Variants in TTPAL observed in about 807,000 individuals in gnomAD.
The protein encoded by TTPAL is alpha-tocopherol transfer protein-like.
TTPAL carries 21 observed loss-of-function variants against 28.7 expected under a neutral mutation model. The ratio of observed to expected loss-of-function variants is 0.73; its 90% confidence interval spans 0.52 to 1.06. The LOEUF is 1.06. TTPAL is among the 50% of genes least tolerant of loss of function. TTPAL has a pLI of 0.00. For missense variants in TTPAL, 345 were observed against 425.5 expected, an observed-to-expected ratio of 0.81 and a Z score of 1.67; for synonymous variants, 169 against 171.9, an observed-to-expected ratio of 0.98 and a Z score of 0.13.
intron 4 of TTPAL, among the ~76,000 whole-genome samples, 194 bp from the exon 5 acceptor site, chr20:44,489,069 C>A (rs1361593992): frequency 6.6e-6 from 1 of 152,124 alleles, no homozygotes; most frequent in East Asian, 1.9e-4. Flanking sequence ...CTCCAGCCAA[C>A]AGGATGTATG....
At chr20:44,482,845 C>T (rs1319877645) in intron 2 of TTPAL, among the ~76,000 whole-genome samples, 5 of 151,964 alleles carry the variant, frequency 3.3e-5, no homozygotes, top group African/African-American at 7.3e-5. Flanking sequence ...CCGTCAAGGT[C>T]GTGTATGAGT....
In TTPAL at chr20:44,489,542, C is replaced by G; in HGVS notation, c.*1C>G. On this transcript the variant is annotated 3_prime_UTR_variant, in exon 5 of 5. Coordinates refer to ENST00000262605, the MANE Select transcript of TTPAL (RefSeq NM_001039199.3). ...GTCACAGCTGTACTCCTGCTACTAGCCCGTCCCCCAGGGTCACCATCTTTA... is the reference window on the plus strand; with the variant it reads ...GTCACAGCTGTACTCCTGCTACTAGGCCGTCCCCCAGGGTCACCATCTTTA... The G allele has an allele frequency of 1.9e-6, 3 of 1,611,414 alleles. No individual in the cohort carries two copies. Among genetic ancestry groups the G allele is most frequent in the Non-Finnish European group, 2.5e-6 (3 of 1,177,962 alleles).
chr20:44,486,494 G>A, intron 3 of TTPAL, 102 bp from the exon 4 acceptor site: 1 of 746,988 alleles, frequency 1.3e-6, no homozygotes, highest in Non-Finnish European at 2.4e-6. Flanking sequence ...ATAAGGATCA[G>A]ATCAGACTGA....
At position 44,493,966 on chromosome 20, in the gene TTPAL, A is replaced by C. The variant is rs2064230952; in HGVS notation, c.*4425A>C. On this transcript the variant is annotated 3_prime_UTR_variant, in exon 5 of 5. Transcript: ENST00000262605. ...GGCAGGAGAATCGCTTGAACCTGGG[A>C]GGCAGCGGTTGCAGTAAGCCAAGAC... 6.6e-6 allele frequency: 1 copy of C among 152,316 alleles called. No individual in the cohort carries two copies. The highest frequency in any genetic ancestry group is 2.4e-5 in the African/African-American group (1 of 41,398). 9.4% of individuals were successfully genotyped at this position (152,316 alleles called of 1,614,324 possible).
intron 4 of TTPAL, 109 bp downstream of exon 4, chr20:44,486,815 G>A (rs938579291): frequency 7.8e-6 from 5 of 638,496 alleles, no homozygotes; most frequent in East Asian, 2.8e-5. Context: ...ATTTGGAAAA[G>A]TACAGAGTTA....
In TTPAL at chr20:44,490,355, AC is replaced by A. The variant is rs2064193481; in HGVS notation, c.*815del. 1 of 152,452 alleles carries A rather than the reference AC, an allele frequency of 6.6e-6. No homozygotes were observed. The allele number at this position is 152,452 out of a possible 1,614,324, so 9.4% of individuals were successfully genotyped here. A position where few individuals can be genotyped will look rare whatever the true frequency, so the allele number is the denominator to read the frequency against. ...TTCTGGCCTGGATCCCAGGTGTACAACTATGGACAAGATATGGGCCTCTACT... is the reference window on the plus strand; with the variant it reads ...TTCTGGCCTGGATCCCAGGTGTACAATATGGACAAGATATGGGCCTCTACT... On this transcript the variant is annotated 3_prime_UTR_variant, in exon 5 of 5. Coordinates refer to ENST00000262605, the MANE Select transcript of TTPAL (RefSeq NM_001039199.3).
intron 2 of TTPAL, among the ~76,000 whole-genome samples, chr20:44,483,386 A>C (rs1178194904): frequency 6.6e-6 from 1 of 152,012 alleles, no homozygotes; most frequent in Non-Finnish European, 1.5e-5. Flanking sequence ...CCTCAAAACT[A>C]CAAGAGGGAA....
intron 1 of TTPAL, among the ~76,000 whole-genome samples, chr20:44,477,676 A>G (rs974606680): frequency 1.4e-5 from 2 of 146,972 alleles, no homozygotes; most frequent in African/African-American, 5.2e-5. Context: ...TTTATCTGAG[A>G]TAGCGTCTCG....
Position 44,492,359 on chromosome 20 carries a change from G to A in TTPAL, c.*2818G>A, listed in dbSNP as rs897397883. On this transcript the variant is annotated 3_prime_UTR_variant, in exon 5 of 5. Coordinates refer to ENST00000262605, the MANE Select transcript of TTPAL (RefSeq NM_001039199.3). ...TTCTGGCCCATTGCACAAACACTTG[G>A]AAATTAACTTTTCCCTAAATTCAAG... The A allele has an allele frequency of 6.6e-6, 1 of 152,332 alleles. No individual in the cohort carries two copies. The highest frequency in any genetic ancestry group is 2.4e-5 in the African/African-American group (1 of 41,442). The allele number at this position is 152,332 out of a possible 1,614,324, so 9.4% of individuals were successfully genotyped here.
chr20:44,494,296 G>C lies in TTPAL; in HGVS notation c.*4755G>C, dbSNP rs995969988. The C allele has an allele frequency of 1.3e-5, 2 of 152,690 alleles. No homozygotes were observed. The highest frequency in any genetic ancestry group is 2.9e-5 in the Non-Finnish European group (2 of 68,044). 9.5% of individuals were successfully genotyped at this position (152,690 alleles called of 1,614,324 possible). On this transcript the variant is annotated 3_prime_UTR_variant, in exon 5 of 5. Coordinates refer to ENST00000262605, the MANE Select transcript of TTPAL (RefSeq NM_001039199.3). Reference sequence around the variant, plus strand: ...TATGCCTCGGCTTCTTGGCATATCAGGTAGGAACCTGTTACAAGTGAAATA... The same window carrying C: ...TATGCCTCGGCTTCTTGGCATATCACGTAGGAACCTGTTACAAGTGAAATA...
chr20:44,477,735 A>G (rs1473338841), intron 1 of TTPAL, among the ~76,000 whole-genome samples: 2 of 151,532 alleles, frequency 1.3e-5, no homozygotes, highest in Non-Finnish European at 2.9e-5. Context: ...GCTCACTGCA[A>G]CCTCCGCTTC....
At position 44,492,495 on chromosome 20, in the gene TTPAL, T is replaced by C. The variant is rs906960883; in HGVS notation, c.*2954T>C. The C allele has an allele frequency of 1.4e-4, 22 of 152,404 alleles. No individual in the cohort carries two copies. The highest frequency in any genetic ancestry group is 5.1e-4 in the African/African-American group (21 of 41,550). The allele number at this position is 152,404 out of a possible 1,614,324, so 9.4% of individuals were successfully genotyped here. ...GGCTTAACATCCCTGAGTGATTCCA[T>C]GATAGAGATCTATACTCCAAACTTT... On this transcript the variant is annotated 3_prime_UTR_variant, in exon 5 of 5. Coordinates refer to ENST00000262605, the MANE Select transcript of TTPAL (RefSeq NM_001039199.3).
chr20:44,482,759 A>G (rs1406040621), intron 2 of TTPAL, among the ~76,000 whole-genome samples: 2 of 151,898 alleles, frequency 1.3e-5, no homozygotes, highest in Non-Finnish European at 2.9e-5. Flanking sequence ...CATTAAATAC[A>G]TGGGGTGTAT....
At position 44,484,184 on chromosome 20, in the gene TTPAL, T is replaced by G. The variant is rs368280295; in HGVS notation, c.446-153T>G. On this transcript the variant is annotated intron_variant, in intron 2 of 4. Coordinates refer to ENST00000262605, the MANE Select transcript of TTPAL (RefSeq NM_001039199.3). The stretch of plus-strand genomic sequence containing the variant: ...AGTTAAGAAACCAGCTGCTGCTTAT[T>G]GTTCCATTTACTAACCTAAATAAGA... Among the ~76,000 whole-genome samples the G allele has an allele frequency of 2.6e-5, 4 of 152,388 alleles. No homozygotes were observed. The East Asian group carries it at 7.7e-4, about 29-fold the overall frequency.
At position 44,492,430 on chromosome 20, in the gene TTPAL, G is replaced by A. The variant is rs986795359; in HGVS notation, c.*2889G>A. On this transcript the variant is annotated 3_prime_UTR_variant, in exon 5 of 5. Coordinates refer to ENST00000262605, the MANE Select transcript of TTPAL (RefSeq NM_001039199.3). ...AATGGGACAGTAAATTAGGAGACGC[G>A]GGCTCCACCTTTACCTTACTACGTG... The A allele has an allele frequency of 1.3e-5, 2 of 152,208 alleles. No individual in the cohort carries two copies. Among genetic ancestry groups the A allele is most frequent in the Non-Finnish European group, 2.9e-5 (2 of 68,042 alleles). The allele number at this position is 152,208 out of a possible 1,614,324, so 9.4% of individuals were successfully genotyped here. A position where few individuals can be genotyped will look rare whatever the true frequency, so the allele number is the denominator to read the frequency against.
rs73611707 is a variant in TTPAL, at chr20:44,489,829, G to T, written c.*288G>T. 3,442 of 360,536 alleles carry T rather than the reference G, an allele frequency of 9.5e-3. 45 individuals carry two copies. The highest frequency in any genetic ancestry group is 0.048 in the East Asian group (891 of 18,638). The allele number at this position is 360,536 out of a possible 1,614,324, so 22.3% of individuals were successfully genotyped here. On this transcript the variant is annotated 3_prime_UTR_variant, in exon 5 of 5. Transcript: ENST00000262605. ...TCTATTTTGTTTTGCTTTTTGGTTG[G>T]GGGGTGGTGATCTGGTTCTTACACA...
intron 4 of TTPAL, among the ~76,000 whole-genome samples, chr20:44,488,116 A>G (rs2064169421): frequency 1.3e-5 from 2 of 152,170 alleles, no homozygotes; most frequent in East Asian, 3.8e-4. Flanking sequence ...TCAAGGAGGT[A>G]AGGGAGGGAA....
intron 2 of TTPAL, among the ~76,000 whole-genome samples, chr20:44,482,823 C>T (rs927044744): frequency 6.6e-6 from 1 of 152,002 alleles, no homozygotes; most frequent in African/African-American, 2.4e-5. Context: ...ATGTTCCATC[C>T]TTACAATACC....
rs1228132438 is a variant in TTPAL, at chr20:44,493,632, A to T, written c.*4091A>T. On this transcript the variant is annotated 3_prime_UTR_variant, in exon 5 of 5. Transcript: ENST00000262605. Reference sequence around the variant, plus strand: ...ACTATACACTGTATCTCCTGTGGCCATGAGAGGTGTGGCTATACCGAACAG... The same window carrying T: ...ACTATACACTGTATCTCCTGTGGCCTTGAGAGGTGTGGCTATACCGAACAG... 8 of 152,388 alleles carry T rather than the reference A, an allele frequency of 5.2e-5. No homozygotes were observed. Among genetic ancestry groups the T allele is most frequent in the Admixed American group, 1.3e-4 (2 of 15,282 alleles). The allele number at this position is 152,388 out of a possible 1,614,324, so 9.4% of individuals were successfully genotyped here. A position where few individuals can be genotyped will look rare whatever the true frequency, so the allele number is the denominator to read the frequency against.
Sources: gnomAD v4.1 joint callset for allele counts (sites outside exome capture counted in the v4.1 genomes callset) on GRCh38, gnomAD v4.1.1 for gene constraint, MANE v1.5 for transcripts, NCBI Gene and HGNC (gene_info 2026-07-23, HGNC 2026-07-21) for gene names.